Variants in ADAMTS16 observed in about 807,000 individuals in gnomAD.
The protein encoded by ADAMTS16 is ADAM metallopeptidase with thrombospondin type 1 motif 16.
A neutral mutation model predicts 145.8 loss-of-function variants in ADAMTS16; 94 were observed. That is an observed-to-expected ratio of 0.64 (90% confidence interval 0.55 to 0.77). The LOEUF (loss-of-function observed/expected upper bound fraction) is 0.77, where lower values mean the gene tolerates loss of function less well. ADAMTS16 is among the 30% of genes least tolerant of loss of function. The pLI is 0.00. For synonymous variants in ADAMTS16, 659 were observed against 604.3 expected (o/e 1.09, Z -1.33); for missense variants, 1,585 against 1,591.5 (o/e 1.00, Z 0.07).
chr5:5,144,983 G>A (rs1734255543), intron 2 of ADAMTS16, among the ~76,000 whole-genome samples: 1 of 152,150 alleles, frequency 6.6e-6, no homozygotes, highest in African/African-American at 2.4e-5. Flanking sequence ...ATGGAGCTCT[G>A]TCCGTCTCCC....
intron 17 of ADAMTS16, among the ~76,000 whole-genome samples, chr5:5,257,031 G>T (rs60504273): frequency 0.023 from 3,505 of 152,230 alleles, 115 homozygotes; most frequent in African/African-American, 0.076. Flanking sequence ...AAGTCCGTAA[G>T]ATTTTCTGCA....
intron 11 of ADAMTS16, among the ~76,000 whole-genome samples, chr5:5,231,698 A>G (rs1013656401): frequency 2.0e-5 from 3 of 152,236 alleles, no homozygotes; most frequent in Non-Finnish European, 4.4e-5. Flanking sequence ...TGTGTGGTGC[A>G]GTGAATTTGC....
At chr5:5,215,369 G>T (rs1262231136) in intron 10 of ADAMTS16, among the ~76,000 whole-genome samples, 2 of 152,018 alleles carry the variant, frequency 1.3e-5, no homozygotes, top group African/African-American at 4.8e-5. Flanking sequence ...TAAGTCATTG[G>T]GGTACAGGTG....
chr5:5,177,139 A>T (rs915750354), intron 3 of ADAMTS16, among the ~76,000 whole-genome samples: 1 of 152,224 alleles, frequency 6.6e-6, no homozygotes, highest in African/African-American at 2.4e-5. Flanking sequence ...TGCAGGAGGA[A>T]CTGGGGTTTG....
chr5:5,168,587 AT>A (rs1734948604), intron 3 of ADAMTS16, among the ~76,000 whole-genome samples: 3 of 74,174 alleles, frequency 4.0e-5, no homozygotes, highest in Non-Finnish European at 5.7e-5. Context: ...TATATATTAT[AT>A]TATATATAAT....
At chr5:5,235,305 G>T in intron 13 of ADAMTS16, 119 bp downstream of exon 13, 2 of 1,093,724 alleles carry the variant, frequency 1.8e-6, no homozygotes, top group Non-Finnish European at 2.4e-6. Flanking sequence ...GGGAGGTGAG[G>T]GTCGCATATT....
chr5:5,262,692 C>G lies in ADAMTS16; in HGVS notation c.2698C>G (p.Leu900Val). 1 of 1,614,214 alleles carries G rather than the reference C, an allele frequency of 6.2e-7. No individual in the cohort carries two copies. The highest frequency in any genetic ancestry group is 8.5e-7 in the Non-Finnish European group (1 of 1,180,038). Residue 900 changes from leucine (L) to valine (V), a missense_variant, in exon 18 of 23, where the codon CTG becomes GTG. Leu to Val is a conservative substitution (Grantham distance 32, BLOSUM62 1). This residue lies in a region of ADAMTS16 where 834 missense variants were observed against 811.7 expected (regional missense o/e 1.03). Coordinates refer to ENST00000274181, the MANE Select transcript of ADAMTS16 (RefSeq NM_139056.4). ...MTVREGCYRD[L>V]KFQVNMSFCN... ...CGTGAGAGAGGGCTGCTACAGAGAC[C>G]TGAAGTTTCAAGTAAATATGTCCTT... is the stretch of plus-strand genomic sequence containing the variant.
At chr5:5,252,677 T>C (rs1026558779) in intron 17 of ADAMTS16, among the ~76,000 whole-genome samples, 10 of 152,146 alleles carry the variant, frequency 6.6e-5, no homozygotes, top group African/African-American at 2.4e-4. Context: ...AACTTTACCC[T>C]CAGAAGCAAA....
At chr5:5,212,189 G>GTTTTTTTT (rs200419820) in intron 10 of ADAMTS16, among the ~76,000 whole-genome samples, 5 of 98,718 alleles carry the variant, frequency 5.1e-5, no homozygotes, top group Admixed American at 2.7e-4. Flanking sequence ...TAGTTTCTGG[G>GTTTTTTTT]GTTTTTTTTG....
Position 5,227,981 on chromosome 5 carries a change from T to C in ADAMTS16, c.1702-4387T>C, listed in dbSNP as rs192364520. Among the ~76,000 whole-genome samples, 18 of 152,312 alleles carry C rather than the reference T, an allele frequency of 1.2e-4. No homozygotes were observed. The East Asian group carries it at 3.3e-3, about 28-fold the overall frequency. ...CAGAACATATTGTTAAGTGGAAACG[T>C]AGGATGGAAAAAATTCTGTGTAATA... On this transcript the variant is annotated intron_variant, in intron 11 of 22. Transcript: ENST00000274181.
intron 1 of ADAMTS16, 34 bp from the exon 2 acceptor site, chr5:5,140,630 C>G (rs1454359705): frequency 2.6e-6 from 4 of 1,531,072 alleles, no homozygotes; most frequent in Non-Finnish European, 3.5e-6. Context: ...CGGACCCCGC[C>G]GTCTCACCGC....
At chr5:5,144,304 A>G (rs565995110) in intron 2 of ADAMTS16, among the ~76,000 whole-genome samples, 2 of 152,284 alleles carry the variant, frequency 1.3e-5, no homozygotes, top group South Asian at 4.1e-4. Flanking sequence ...TACAGGCTAC[A>G]CTTTTTTTCC....
At chr5:5,141,527 T>C (rs1475760310) in intron 2 of ADAMTS16, among the ~76,000 whole-genome samples, 1 of 152,254 alleles carries the variant, frequency 6.6e-6, no homozygotes, top group Non-Finnish European at 1.5e-5. Context: ...AGGTGGTTTT[T>C]TAACCTGAAC....
At chr5:5,259,172 G>A (rs776356730) in intron 17 of ADAMTS16, among the ~76,000 whole-genome samples, 13 of 152,134 alleles carry the variant, frequency 8.5e-5, no homozygotes, top group African/African-American at 2.9e-4. Flanking sequence ...TCCACTCTGC[G>A]GCCATTTGGG....
At chr5:5,206,492 T>C (rs1356756968) in intron 9 of ADAMTS16, among the ~76,000 whole-genome samples, 1 of 151,168 alleles carries the variant, frequency 6.6e-6, no homozygotes, top group East Asian at 2.0e-4. Context: ...ATTTATTTTA[T>C]TTTTTGAAAT....
chr5:5,276,623 G>T (rs1034986570), intron 18 of ADAMTS16, among the ~76,000 whole-genome samples: 1 of 152,170 alleles, frequency 6.6e-6, no homozygotes, highest in African/African-American at 2.4e-5. Context: ...AGAGCCAGGC[G>T]CTACGCAGCA....
chr5:5,214,641 C>G (rs1018486075), intron 10 of ADAMTS16, among the ~76,000 whole-genome samples: 6 of 152,096 alleles, frequency 3.9e-5, no homozygotes, highest in African/African-American at 1.4e-4. Context: ...TGACCTCAAG[C>G]AATCCGCCTG....
intron 12 of ADAMTS16, among the ~76,000 whole-genome samples, chr5:5,234,221 A>G (rs1737026661): frequency 6.6e-6 from 1 of 152,226 alleles, no homozygotes; most frequent in Non-Finnish European, 1.5e-5. Flanking sequence ...GTCAGTGCCA[A>G]CCAGCAAAGG....
intron 12 of ADAMTS16, 134 bp downstream of exon 12, chr5:5,232,650 CT>C: frequency 8.7e-7 from 1 of 1,151,006 alleles, no homozygotes; most frequent in African/African-American, 1.7e-5. Flanking sequence ...GTCACCCAGG[CT>C]GGAGTGCAGT....
Sources: allele counts gnomAD v4.1 joint callset (sites outside exome capture counted in the v4.1 genomes callset), GRCh38; gene constraint gnomAD v4.1.1; regional missense constraint gnomAD v4.1.1; transcripts MANE v1.5; gene names NCBI Gene and HGNC (gene_info 2026-07-23, HGNC 2026-07-21).